Variants in ITGAL observed in about 807,000 individuals in gnomAD.
The protein encoded by ITGAL is integrin subunit alpha L.
In ITGAL, 68 loss-of-function variants were observed where a neutral mutation model predicts 138.4. The observed-to-expected ratio is 0.49, with a 90% CI of 0.40 to 0.60. ITGAL has a LOEUF of 0.60. ITGAL is among the 20% of genes least tolerant of loss of function. The pLI is 0.00. For synonymous variants in ITGAL, 561 were observed against 584.3 expected, an observed-to-expected ratio of 0.96 and a Z score of 0.57; for missense variants, 1,256 against 1,478.6, an observed-to-expected ratio of 0.85 and a Z score of 2.47.
In ITGAL at chr16:30,489,075, TCC is replaced by T. The variant is rs1166830990; in HGVS notation, c.1007-4_1007-3del. 2 of 1,612,778 alleles carry T rather than the reference TCC, an allele frequency of 1.2e-6. No individual in the cohort carries two copies. Among genetic ancestry groups the T allele is most frequent in the Non-Finnish European group, 1.7e-6 (2 of 1,179,570 alleles). On this transcript the variant is annotated splice_region_variant and splice_polypyrimidine_tract_variant and intron_variant, in intron 9 of 30. Coordinates refer to ENST00000356798, the MANE Select transcript of ITGAL (RefSeq NM_002209.3). The stretch of plus-strand genomic sequence containing the variant: ...GGGTCTCACCTGTTCTCTGCTTTGT[TCC>T]CCAGGCACAAGCAAACAGGACCTGA...
At chr16:30,506,123 G>A (rs4889499) in intron 20 of ITGAL, among the ~76,000 whole-genome samples, 16,177 of 151,916 alleles carry the variant, frequency 0.11, 1,351 homozygotes, top group East Asian at 0.29. Context: ...AGCCAGGCAT[G>A]GTGGCACGTG....
chr16:30,495,497 C>T (rs1310998906), intron 13 of ITGAL, among the ~76,000 whole-genome samples: 2 of 152,010 alleles, frequency 1.3e-5, no homozygotes, highest in African/African-American at 4.8e-5. Flanking sequence ...CCTCCCTTTC[C>T]TCATGACCAC....
intron 17 of ITGAL, among the ~76,000 whole-genome samples, chr16:30,499,733 A>ATATATATTTTTTTTT: frequency 1.1e-5 from 1 of 88,368 alleles, no homozygotes; most frequent in African/African-American, 6.0e-5. Context: ...ATATATATAT[A>ATATATATTTTTTTTT]TTTTTTTTTT....
Position 30,494,935 on chromosome 16 carries a change from C to G in ITGAL, c.1503+85C>G. 1 of 1,454,930 alleles carries G rather than the reference C, an allele frequency of 6.9e-7. No homozygotes were observed. The highest frequency in any genetic ancestry group is 9.3e-7 in the Non-Finnish European group (1 of 1,080,364). The allele number at this position is 1,454,930 out of a possible 1,614,324, so 90.1% of individuals were successfully genotyped here. Reference sequence around the variant, plus strand: ...CAGTTATTCTGAAGGCTTTCTCTGTCTGGTCACGTGGCGATCAAACTTTTA... The same window carrying G: ...CAGTTATTCTGAAGGCTTTCTCTGTGTGGTCACGTGGCGATCAAACTTTTA... On this transcript the variant is annotated intron_variant, in intron 13 of 30. Coordinates refer to ENST00000356798, the MANE Select transcript of ITGAL (RefSeq NM_002209.3). This position sits in a 1 kb window ranked among gnomAD's most constrained non-coding sequence, Gnocchi z 4.2.
In ITGAL at chr16:30,499,178, A is replaced by G. The variant is rs769513913; in HGVS notation, c.1937A>G (p.Glu646Gly). 1.9e-6 allele frequency: 3 copies of G among 1,613,834 alleles called. No individual in the cohort carries two copies. Among genetic ancestry groups the G allele is most frequent in the African/African-American group, 2.7e-5 (2 of 74,716 alleles). Reference protein sequence around the residue: ...CSYSTSNKMKEGVNITICFQI... With the variant: ...CSYSTSNKMKGGVNITICFQI... ...TATTCAACCAGTAACAAGATGAAAG[A>G]AGGAGTTAATATCACAATCTGTTTC... Residue 646 changes from glutamate (E) to glycine (G), a missense_variant, in exon 16 of 31, where the codon GAA becomes GGA. Physicochemically the swap from Glu to Gly is moderately conservative, Grantham distance 98. This residue lies in a region of ITGAL where 867 missense variants were observed against 972.5 expected (regional missense o/e 0.89). Coordinates refer to ENST00000356798, the MANE Select transcript of ITGAL (RefSeq NM_002209.3).
chr16:30,489,435 T>C (rs750272773), intron 11 of ITGAL, 49 bp downstream of exon 11: 41 of 1,598,788 alleles, frequency 2.6e-5, no homozygotes, highest in Non-Finnish European at 3.4e-5. Flanking sequence ...TGAGGTCAGA[T>C]GGTCGCTCAG....
At position 30,478,623 on chromosome 16, in the gene ITGAL, G is replaced by A. The variant is rs533087885; in HGVS notation, c.328-468G>A. On this transcript the variant is annotated intron_variant, in intron 4 of 30. Transcript: ENST00000356798. ...TGAGGCAGGAGAATGGCGTGAACCC[G>A]GGAGGCGAAGCTTGCAGTGAGCCGA... 5.3e-5 allele frequency among the ~76,000 whole-genome samples: 8 copies of A among 150,310 alleles called. No homozygotes were observed. In the East Asian group the frequency reaches 7.8e-4, roughly 15 times the overall value.
chr16:30,499,677 G>GTATATATATGTATATATTTGTGTATA, intron 17 of ITGAL, 188 bp downstream of exon 17: 1 of 78,216 alleles, frequency 1.3e-5, no homozygotes, highest in Non-Finnish European at 2.6e-5. Context: ...ATATATATGT[G>GTATATATATGTATATATTTGTGTATA]TATATATATG....
Position 30,475,384 on chromosome 16 carries a change from G to T in ITGAL, c.243G>T (p.Leu81=). The part of the protein sequence containing the change: ...YQCQSGTGHC[L]PVTLRGSNYT... ...GCCAGTCGGGCACAGGACACTGCCT[G>T]CCAGTCACCCTGAGAGGTGAGTAAC... The change falls in exon 3 of 31, where the codon CTG becomes CTT. Residue 81 remains leucine (L), a synonymous_variant. Coordinates refer to ENST00000356798, the MANE Select transcript of ITGAL (RefSeq NM_002209.3). 1 of 1,613,726 alleles carries T rather than the reference G, an allele frequency of 6.2e-7. No homozygotes were observed. The highest frequency in any genetic ancestry group is 8.5e-7 in the Non-Finnish European group (1 of 1,179,652).
chr16:30,481,182 A>ACACACACACC (rs1555505201), intron 6 of ITGAL: 1 of 353,620 alleles, frequency 2.8e-6, no homozygotes, highest in African/African-American at 2.7e-5. Context: ...ACACACACAC[A>ACACACACACC]CCACACACAC....
chr16:30,511,466 C>T (rs35590751), intron 24 of ITGAL, among the ~76,000 whole-genome samples: 2,684 of 152,246 alleles, frequency 0.018, 68 homozygotes, highest in African/African-American at 0.063. Context: ...GCAGCTGTGC[C>T]GCTCTCCATT....
At chr16:30,496,953 A>AT (rs986522064) in intron 15 of ITGAL, among the ~76,000 whole-genome samples, 1 of 151,120 alleles carries the variant, frequency 6.6e-6, no homozygotes, top group African/African-American at 2.4e-5. Context: ...CCTAATTTTT[A>AT]TTTTTTTTAA....
chr16:30,478,771 G>A (rs963374598), intron 4 of ITGAL, among the ~76,000 whole-genome samples: 12 of 152,070 alleles, frequency 7.9e-5, no homozygotes, highest in South Asian at 2.1e-4. Flanking sequence ...TGATTTGGCT[G>A]GAACACAGAA....
intron 17 of ITGAL, among the ~76,000 whole-genome samples, chr16:30,503,053 G>A (rs2050929630): frequency 6.6e-6 from 1 of 150,518 alleles, no homozygotes; most frequent in Non-Finnish European, 1.5e-5. Flanking sequence ...GACCTCAGGT[G>A]ATCCACCCAC....
rs1453123957 is a variant in ITGAL, at chr16:30,483,878, G to A, written c.774G>A (p.Val258=). 16 of 1,614,034 alleles carry A rather than the reference G, an allele frequency of 9.9e-6. No homozygotes were observed. The Admixed American group carries it at 2.3e-4, about 24-fold the overall frequency. Residue 258 remains valine, a synonymous_variant, in exon 8 of 31, where the codon GTG becomes GTA. Transcript: ENST00000356798. ...GGGCCCGGCCAGATGCCACCAAAGTGCTTATCATCATCACGGATGGGGAGG... is the reference window on the plus strand; with the variant it reads ...GGGCCCGGCCAGATGCCACCAAAGTACTTATCATCATCACGGATGGGGAGG... ...ELGARPDATK[V]LIIITDGEAT... is the part of the protein sequence containing the mutation.
rs2051258981 is a variant in ITGAL at position 30,521,841 on chromosome 16, A to G, written c.*176A>G. Reference sequence around the variant, plus strand: ...CTGCCTGTCTCCTTTGCAGGCTCATAGGGAAGACCTGCTGAGGGACCAGCC... The same window carrying G: ...CTGCCTGTCTCCTTTGCAGGCTCATGGGGAAGACCTGCTGAGGGACCAGCC... On this transcript the variant is annotated 3_prime_UTR_variant, in exon 31 of 31. Transcript: ENST00000356798. The G allele has an allele frequency of 3.1e-6, 2 of 635,224 alleles. No individual in the cohort carries two copies. Among genetic ancestry groups the G allele is most frequent in the Non-Finnish European group, 5.3e-6 (2 of 377,154 alleles). 39.3% of individuals were successfully genotyped at this position (635,224 alleles called of 1,614,324 possible).
intron 25 of ITGAL, among the ~76,000 whole-genome samples, chr16:30,514,820 CTTTTCTTTTTTT>C (rs2051142809): frequency 7.0e-6 from 1 of 143,590 alleles, no homozygotes; most frequent in Non-Finnish European, 1.5e-5. Flanking sequence ...TTTCTTTTTT[CTTTTCTTTTTTT>C]TTTTTTTTTT....
At chr16:30,482,005 C>T (rs1253490976) in intron 7 of ITGAL, among the ~76,000 whole-genome samples, 2 of 152,172 alleles carry the variant, frequency 1.3e-5, no homozygotes, top group East Asian at 3.8e-4. Context: ...CATTCTCCTG[C>T]CTCCGCCTTT....
intron 4 of ITGAL, among the ~76,000 whole-genome samples, chr16:30,478,125 G>A (rs112608450): frequency 0.011 from 1,653 of 151,884 alleles, 29 homozygotes; most frequent in African/African-American, 0.038. Context: ...CACAAGGTCA[G>A]GAGTTTGAGA....
Sources: gnomAD v4.1 joint callset for allele counts (sites outside exome capture counted in the v4.1 genomes callset) on GRCh38, gnomAD v4.1.1 for gene constraint, gnomAD v4.1.1 regional missense constraint, Gnocchi (gnomAD v3.1) non-coding constraint, MANE v1.5 for transcripts, NCBI Gene and HGNC (gene_info 2026-07-23, HGNC 2026-07-21) for gene names.